ZNF143: variants seen among roughly 807,000 people sequenced by gnomAD.
ZNF143 encodes the protein zinc finger protein 143.
A neutral mutation model predicts 74.1 loss-of-function variants in ZNF143; 49 were observed. The ratio of observed to expected loss-of-function variants is 0.66; its 90% CI spans 0.53 to 0.84. The LOEUF (loss-of-function observed/expected upper bound fraction) is 0.84, where lower values mean the gene tolerates loss of function less well. Ranked by LOEUF, ZNF143 falls within the 40% of genes least tolerant of loss-of-function variation. The pLI is 0.00. For synonymous variants in ZNF143, 304 were observed against 282.8 expected (o/e 1.07, Z -0.75); for missense variants, 637 against 793.4 (o/e 0.80, Z 2.37).
intron 14 of ZNF143, among the ~76,000 whole-genome samples, chr11:9,519,908 G>A (rs1848851125): frequency 6.6e-6 from 1 of 151,988 alleles, no homozygotes; most frequent in Non-Finnish European, 1.5e-5. Flanking sequence ...AAAATAGGCT[G>A]GGCGCAGTGG....
intron 10 of ZNF143, among the ~76,000 whole-genome samples, chr11:9,499,645 C>G (rs75928597): frequency 0.027 from 4,100 of 152,240 alleles, 167 homozygotes; most frequent in African/African-American, 0.092. Flanking sequence ...TTCGAGGCTG[C>G]AGTGTGCAAC....
intron 7 of ZNF143, among the ~76,000 whole-genome samples, chr11:9,486,377 T>TATAA (rs1491241348): frequency 5.4e-5 from 2 of 37,150 alleles, no homozygotes; most frequent in African/African-American, 1.2e-4. Context: ...ATATAATATA[T>TATAA]TATATATATA....
intron 10 of ZNF143, among the ~76,000 whole-genome samples, chr11:9,499,061 C>G (rs185681208): frequency 5.9e-5 from 9 of 152,130 alleles, no homozygotes; most frequent in African/African-American, 2.2e-4. Context: ...TATATCAAAC[C>G]AATAATCTAG....
chr11:9,486,396 A>ATTATATATATAATATATT (rs1245802133), intron 7 of ZNF143, among the ~76,000 whole-genome samples: 1 of 11,922 alleles, frequency 8.4e-5, no homozygotes, highest in Non-Finnish European at 1.8e-4. Flanking sequence ...TAATATATAT[A>ATTATATATATAATATATT]ATATATTATA....
At chr11:9,521,238 C>CT (rs1326352509) in intron 14 of ZNF143, among the ~76,000 whole-genome samples, 1 of 152,222 alleles carries the variant, frequency 6.6e-6, no homozygotes, top group Non-Finnish European at 1.5e-5. Flanking sequence ...TGACATACAT[C>CT]TATCAATAGA....
intron 6 of ZNF143, among the ~76,000 whole-genome samples, chr11:9,479,251 T>G (rs754143031): frequency 2.0e-5 from 3 of 152,146 alleles, no homozygotes; most frequent in Admixed American, 6.6e-5. Flanking sequence ...ATGATCCTCC[T>G]GCCTCAGCCT....
At chr11:9,526,311 A>G (rs1465813076) in intron 15 of ZNF143, among the ~76,000 whole-genome samples, 1 of 151,890 alleles carries the variant, frequency 6.6e-6, no homozygotes, top group African/African-American at 2.4e-5. Flanking sequence ...CCAAGATCGC[A>G]CCACTGTACT....
At chr11:9,509,862 G>T (rs571056990) in intron 12 of ZNF143, among the ~76,000 whole-genome samples, 1 of 152,296 alleles carries the variant, frequency 6.6e-6, no homozygotes, top group East Asian at 1.9e-4. Context: ...TGGTCAAAGA[G>T]TACAGTTTCA....
intron 11 of ZNF143, among the ~76,000 whole-genome samples, chr11:9,501,810 G>A (rs774813988): frequency 2.0e-5 from 3 of 152,038 alleles, no homozygotes; most frequent in Admixed American, 6.6e-5. Context: ...ATTTGTACAA[G>A]GTGAGTTCTG....
intron 9 of ZNF143, among the ~76,000 whole-genome samples, chr11:9,496,721 C>T (rs755153019): frequency 1.3e-5 from 2 of 151,912 alleles, no homozygotes; most frequent in Non-Finnish European, 2.9e-5. Flanking sequence ...CTCAGCCTCC[C>T]GAGTAGCTGG....
At chr11:9,484,133 T>C (rs1847362515) in intron 7 of ZNF143, among the ~76,000 whole-genome samples, 1 of 151,554 alleles carries the variant, frequency 6.6e-6, no homozygotes, top group South Asian at 2.1e-4. Context: ...GTTCATGACT[T>C]CACCATTCTC....
chr11:9,493,569 G>A (rs1183149829), intron 7 of ZNF143, among the ~76,000 whole-genome samples: 1 of 151,954 alleles, frequency 6.6e-6, no homozygotes, highest in African/African-American at 2.4e-5. Flanking sequence ...CTATATTCTT[G>A]TCATCTAATG....
At position 9,494,785 on chromosome 11, in the gene ZNF143, T is replaced by G; in HGVS notation, c.765+20T>G. The G allele has an allele frequency of 6.3e-7, 1 of 1,595,780 alleles. No homozygotes were observed. The highest frequency in any genetic ancestry group is 8.6e-7 in the Non-Finnish European group (1 of 1,165,340). ...CTCAAGGTATATATAAAAGAAATGTTCTATCTAGTTATGAGAATACCTAGG... is the reference window on the plus strand; with the variant it reads ...CTCAAGGTATATATAAAAGAAATGTGCTATCTAGTTATGAGAATACCTAGG... On this transcript the variant is annotated intron_variant, in intron 8 of 15. Transcript: ENST00000396602.
chr11:9,506,064 C>T (rs974511429), intron 11 of ZNF143, among the ~76,000 whole-genome samples: 5 of 152,176 alleles, frequency 3.3e-5, no homozygotes, highest in African/African-American at 1.2e-4. Context: ...GCAGTAGTAG[C>T]TCATGCCTGT....
At chr11:9,488,639 AATT>A (rs1427839210) in intron 7 of ZNF143, among the ~76,000 whole-genome samples, 1 of 152,176 alleles carries the variant, frequency 6.6e-6, no homozygotes. Flanking sequence ...CTGTGATAAC[AATT>A]ATTATATTCT....
In ZNF143 at chr11:9,461,080, C is replaced by T. The variant is rs937472243; in HGVS notation, c.-8+4C>T. The T allele has an allele frequency of 2.7e-5, 27 of 985,698 alleles. No homozygotes were observed. Among genetic ancestry groups the T allele is most frequent in the Non-Finnish European group, 3.3e-5 (27 of 829,906 alleles). 61.1% of individuals were successfully genotyped at this position (985,698 alleles called of 1,614,324 possible). On this transcript the variant is annotated splice_donor_region_variant and intron_variant, in intron 1 of 15. Transcript: ENST00000396602. Reference sequence around the variant, plus strand: ...TTGTTGGAAAATTTTCTCGGAGGTTCGTATATAAATGTGTTTTTACCCAGT... The same window carrying T: ...TTGTTGGAAAATTTTCTCGGAGGTTTGTATATAAATGTGTTTTTACCCAGT...
chr11:9,507,165 G>A (rs1399594435), intron 11 of ZNF143, among the ~76,000 whole-genome samples: 1 of 151,956 alleles, frequency 6.6e-6, no homozygotes, highest in Non-Finnish European at 1.5e-5. Context: ...CTTATTTTTG[G>A]GGGGGTTTAC....
At chr11:9,476,893 G>A (rs1170952900) in intron 5 of ZNF143, among the ~76,000 whole-genome samples, 1 of 149,920 alleles carries the variant, frequency 6.7e-6, no homozygotes. Flanking sequence ...CGGAGTAGCT[G>A]GGACTACAGG....
intron 5 of ZNF143, among the ~76,000 whole-genome samples, chr11:9,475,897 C>CA (rs143515065): frequency 7.0e-5 from 10 of 142,916 alleles, no homozygotes; most frequent in African/African-American, 1.4e-4. Flanking sequence ...GACCCTGTCT[C>CA]AAAAAAATAT....
Sources: allele counts gnomAD v4.1 joint callset (sites outside exome capture counted in the v4.1 genomes callset), GRCh38; gene constraint gnomAD v4.1.1; transcripts MANE v1.5; gene names NCBI Gene and HGNC (gene_info 2026-07-23, HGNC 2026-07-21).